The following PTPRT variants were observed in gnomAD, a reference collection of about 807,000 sequenced individuals.
The protein encoded by PTPRT is receptor-type tyrosine-protein phosphatase T.
Under a neutral mutation model 176.8 loss-of-function variants are expected in PTPRT, and 56 were observed. The ratio of observed to expected loss-of-function variants is 0.32; its 90% CI spans 0.26 to 0.40. The LOEUF (loss-of-function observed/expected upper bound fraction) is 0.40. Among genes scored for constraint, PTPRT ranks in the 10% least tolerant of loss-of-function variants. The probability of loss-of-function intolerance (pLI) is 1.00; values close to 1 mark genes in which losing one functional copy is unlikely to be tolerated. For synonymous variants in PTPRT, 783 were observed against 739.0 expected (o/e 1.06, Z -0.96); for missense variants, 1,540 against 1,908.2 (o/e 0.81, Z 3.60).
chr20:43,106,233 A>C, intron 1 of PTPRT, among the ~76,000 whole-genome samples: 1 of 152,208 alleles, frequency 6.6e-6, no homozygotes, highest in East Asian at 1.9e-4. Flanking sequence ...CCTCTTCAGT[A>C]AAATCAATGT....
rs1377981798 is a variant in PTPRT at position 43,039,496 on chromosome 20, A to T, written c.88+150150T>A. Among the ~76,000 whole-genome samples the T allele has an allele frequency of 2.0e-5, 3 of 152,070 alleles. No individual in the cohort carries two copies. The East Asian group carries it at 5.8e-4, about 29-fold the overall frequency. The stretch of plus-strand genomic sequence containing the variant: ...AGAAAACCATAAAAGCACCAGAAAA[A>T]AAAGAAAGTATATTTTATGAGAGTG... On this transcript the variant is annotated intron_variant, in intron 1 of 30. Coordinates refer to ENST00000373187, the MANE Select transcript of PTPRT (RefSeq NM_007050.6).
At chr20:42,851,947 T>TA (rs2078479503) in intron 2 of PTPRT, among the ~76,000 whole-genome samples, 1 of 152,222 alleles carries the variant, frequency 6.6e-6, no homozygotes, top group African/African-American at 2.4e-5. Flanking sequence ...CCAAAACGAT[T>TA]TAAGTCTACC....
chr20:42,757,475 A>T (rs2076851685), intron 5 of PTPRT, among the ~76,000 whole-genome samples: 3 of 152,104 alleles, frequency 2.0e-5, no homozygotes, highest in Admixed American at 2.0e-4. Context: ...CTTCCTTGGC[A>T]CATGCTCTTT....
At chr20:42,897,799 C>T (rs1047176279) in intron 1 of PTPRT, among the ~76,000 whole-genome samples, 10 of 152,096 alleles carry the variant, frequency 6.6e-5, no homozygotes, top group African/African-American at 2.4e-4. Flanking sequence ...ATCTGTAAAA[C>T]TAGGATAATA....
chr20:43,013,993 C>G (rs1415761878), intron 1 of PTPRT, among the ~76,000 whole-genome samples: 1 of 152,182 alleles, frequency 6.6e-6, no homozygotes. Context: ...CACTTATTGT[C>G]TTAACACACA....
chr20:42,920,204 C>A (rs1319796318), intron 1 of PTPRT, among the ~76,000 whole-genome samples: 1 of 152,144 alleles, frequency 6.6e-6, no homozygotes, highest in East Asian at 1.9e-4. Flanking sequence ...GAGATCCTTG[C>A]CACGGAATAT....
intron 7 of PTPRT, among the ~76,000 whole-genome samples, chr20:42,612,485 C>G (rs2073991911): frequency 6.6e-6 from 1 of 152,140 alleles, no homozygotes; most frequent in Non-Finnish European, 1.5e-5. Context: ...TGCATTTAAG[C>G]CCATTTTCCA....
intron 1 of PTPRT, among the ~76,000 whole-genome samples, chr20:42,904,589 G>C (rs1438325629): frequency 6.6e-6 from 1 of 152,174 alleles, no homozygotes; most frequent in Admixed American, 6.5e-5. Flanking sequence ...AAGGGGGCAG[G>C]GAAGTGCTGG....
At chr20:42,240,718 C>CCATCCAT (rs1355957406) in intron 14 of PTPRT, among the ~76,000 whole-genome samples, 6,485 of 46,080 alleles carry the variant, frequency 0.14, 492 homozygotes, top group African/African-American at 0.27. Flanking sequence ...ATCCATCCAT[C>CCATCCAT]CCATCCATCC....
At chr20:42,419,932 G>C (rs1415196026) in intron 9 of PTPRT, among the ~76,000 whole-genome samples, 1 of 152,128 alleles carries the variant, frequency 6.6e-6, no homozygotes, top group African/African-American at 2.4e-5. Context: ...GAGCAATGCA[G>C]CCACAAGCCC....
At chr20:42,940,810 G>A (rs373907601) in intron 1 of PTPRT, among the ~76,000 whole-genome samples, 8 of 152,086 alleles carry the variant, frequency 5.3e-5, no homozygotes, top group African/African-American at 7.2e-5. Context: ...AGCTGGGTGC[G>A]GTGGCTCATG....
intron 1 of PTPRT, among the ~76,000 whole-genome samples, chr20:43,015,685 A>T (rs1461479722): frequency 6.6e-6 from 1 of 152,098 alleles, no homozygotes; most frequent in Non-Finnish European, 1.5e-5. Context: ...GGAATCAGAT[A>T]TCCTGGGCTA....
intron 9 of PTPRT, among the ~76,000 whole-genome samples, chr20:42,407,964 T>A (rs949719512): frequency 6.6e-6 from 1 of 152,100 alleles, no homozygotes; most frequent in Non-Finnish European, 1.5e-5. Flanking sequence ...GATATTAAAA[T>A]GCAAACAACT....
intron 24 of PTPRT, 45 bp from the exon 25 acceptor site, chr20:42,104,763 T>G: frequency 6.6e-7 from 1 of 1,516,160 alleles, no homozygotes; most frequent in Non-Finnish European, 9.1e-7. Context: ...GTAAGAACAG[T>G]GGCCTGGGAA....
intron 2 of PTPRT, among the ~76,000 whole-genome samples, chr20:42,827,186 A>C: frequency 6.6e-6 from 1 of 152,202 alleles, no homozygotes; most frequent in East Asian, 1.9e-4. Flanking sequence ...ACTTTAACTC[A>C]ACATTGGACC....
rs1223306022 is a variant in PTPRT, at chr20:42,076,404, T to C, written c.*4475A>G. 5.0e-6 allele frequency: 1 copy of C among 199,866 alleles called. No homozygotes were observed. The highest frequency in any genetic ancestry group is 1.0e-5 in the Non-Finnish European group (1 of 96,944). 12.4% of individuals were successfully genotyped at this position (199,866 alleles called of 1,614,324 possible). On this transcript the variant is annotated 3_prime_UTR_variant, in exon 31 of 31. Coordinates refer to ENST00000373187, the MANE Select transcript of PTPRT (RefSeq NM_007050.6). The stretch of plus-strand genomic sequence containing the variant: ...GTACAGCTGTGTCCAGCTTCTCTTT[T>C]CCCTTTAGGGTTTTGTGGGCTCATC...
intron 7 of PTPRT, among the ~76,000 whole-genome samples, chr20:42,621,608 A>G (rs1457178203): frequency 1.3e-5 from 2 of 152,146 alleles, no homozygotes; most frequent in African/African-American, 4.8e-5. Context: ...GAGTGATCCT[A>G]TAGCCTCTCA....
At chr20:42,283,324 G>A (rs1330552224) in intron 12 of PTPRT, among the ~76,000 whole-genome samples, 4 of 152,108 alleles carry the variant, frequency 2.6e-5, no homozygotes, top group African/African-American at 9.7e-5. Flanking sequence ...TGAATTCAGT[G>A]TAGCAAGGAA....
intron 5 of PTPRT, among the ~76,000 whole-genome samples, chr20:42,761,549 C>T (rs2076916181): frequency 6.6e-6 from 1 of 152,100 alleles, no homozygotes; most frequent in Non-Finnish European, 1.5e-5. Context: ...TTTGTTTTAA[C>T]AAACCTTCCT....
Sources: allele counts gnomAD v4.1 joint callset (sites outside exome capture counted in the v4.1 genomes callset), GRCh38; gene constraint gnomAD v4.1.1; transcripts MANE v1.5; gene names NCBI Gene and HGNC (gene_info 2026-07-23, HGNC 2026-07-21).